Variants in MAD1L1 observed in about 807,000 individuals in gnomAD.
MAD1L1 encodes mitotic arrest deficient 1 like 1.
A neutral mutation model predicts 96.9 loss-of-function variants in MAD1L1; 95 were observed. The observed-to-expected ratio is 0.98, with a 90% CI of 0.83 to 1.16. The LOEUF is 1.16. Ranked by LOEUF, MAD1L1 falls within the 50% of genes most tolerant of loss-of-function variation. MAD1L1 has a pLI of 0.00. For synonymous variants in MAD1L1, 473 were observed against 396.6 expected (o/e 1.19, Z -2.29); for missense variants, 1,007 against 954.4 (o/e 1.06, Z -0.73).
intron 18 of MAD1L1, chr7:1,845,524 ACG>A (rs1231992746): frequency 5.9e-5 from 4 of 67,624 alleles, no homozygotes; most frequent in Non-Finnish European, 9.4e-5. Flanking sequence ...TAGGAGATGG[ACG>A]TGCTCCACGC....
chr7:2,090,270 C>T (rs955443575), intron 11 of MAD1L1, among the ~76,000 whole-genome samples: 11 of 152,216 alleles, frequency 7.2e-5, no homozygotes, highest in Non-Finnish European at 1.5e-4. Flanking sequence ...CGGGGAGGGG[C>T]CAGGTCCACT....
chr7:1,916,248 G>A (rs1192835055), intron 17 of MAD1L1, among the ~76,000 whole-genome samples: 1 of 152,146 alleles, frequency 6.6e-6, no homozygotes, highest in Non-Finnish European at 1.5e-5. Context: ...CTAGAATGTG[G>A]AAATTCCCCT....
chr7:2,095,554 G>A (rs753212750), intron 11 of MAD1L1, among the ~76,000 whole-genome samples: 6 of 152,208 alleles, frequency 3.9e-5, no homozygotes, highest in South Asian at 2.1e-4. Flanking sequence ...GAAGGGCAGC[G>A]TAACCAGAGG....
rs1780245596 is a variant in MAD1L1, at chr7:1,968,080, T to C, written c.1506-10361A>G. Among the ~76,000 whole-genome samples, 1 of 152,214 alleles carries C rather than the reference T, an allele frequency of 6.6e-6. No homozygotes were observed. The highest frequency in any genetic ancestry group is 2.4e-5 in the African/African-American group (1 of 41,454). On this transcript the variant is annotated intron_variant, in intron 15 of 18. Transcript: ENST00000265854. This position sits in a 1 kb window ranked among gnomAD's most constrained non-coding sequence, Gnocchi z 5.6. ...CTCACAGAACTCCACATCATACATG[T>C]AGAACTCATCCCTCCAGAGGGGGAG...
chr7:2,150,615 C>G (rs1448562932), intron 10 of MAD1L1, among the ~76,000 whole-genome samples: 1 of 152,238 alleles, frequency 6.6e-6, no homozygotes, highest in African/African-American at 2.4e-5. Context: ...CAGAGGACAG[C>G]TGGAGGCCGC....
intron 11 of MAD1L1, among the ~76,000 whole-genome samples, chr7:2,141,279 G>A (rs999621355): frequency 2.6e-5 from 4 of 152,384 alleles, no homozygotes; most frequent in East Asian, 3.9e-4. Context: ...CAGACACCGC[G>A]TGCTGCGGGG....
At chr7:2,072,608 C>T (rs1477846257) in intron 11 of MAD1L1, among the ~76,000 whole-genome samples, 1 of 152,238 alleles carries the variant, frequency 6.6e-6, no homozygotes, top group Non-Finnish European at 1.5e-5. Context: ...TGGGAACGTT[C>T]ACAAGTGCTT....
intron 18 of MAD1L1, among the ~76,000 whole-genome samples, chr7:1,887,360 T>A (rs1786116795): frequency 6.7e-6 from 1 of 149,824 alleles, no homozygotes; most frequent in Non-Finnish European, 1.5e-5. Context: ...AGCATGCATG[T>A]GTGTGGGTGG....
intron 16 of MAD1L1, among the ~76,000 whole-genome samples, chr7:1,950,598 A>G (rs1400323063): frequency 6.6e-6 from 1 of 152,202 alleles, no homozygotes; most frequent in African/African-American, 2.4e-5. Flanking sequence ...CCTGGCTCTG[A>G]GCGCCAGTCG....
chr7:2,089,727 G>A (rs967930050), intron 11 of MAD1L1, among the ~76,000 whole-genome samples: 19 of 141,610 alleles, frequency 1.3e-4, no homozygotes, highest in South Asian at 4.8e-4. Flanking sequence ...ACCTGTCCCC[G>A]GGGCCCACCC....
At position 1,863,703 on chromosome 7, in the gene MAD1L1, T is replaced by G. The variant is rs1397890038; in HGVS notation, c.1998+34497A>C. On this transcript the variant is annotated intron_variant, in intron 18 of 18. Transcript: ENST00000265854. ...TTGCCCCTCCGCTCCCTGGAGCTCC[T>G]GGGTGGAGGGTGGCCGGCCTGCAGT... Among the ~76,000 whole-genome samples the G allele has an allele frequency of 2.6e-5, 4 of 152,190 alleles. No homozygotes were observed. The South Asian group carries it at 8.3e-4, about 31-fold the overall frequency.
chr7:2,086,087 G>A (rs1266488844), intron 11 of MAD1L1, among the ~76,000 whole-genome samples: 1 of 152,176 alleles, frequency 6.6e-6, no homozygotes, highest in East Asian at 1.9e-4. Flanking sequence ...GGGGAGGACG[G>A]CAAGACCCGT....
rs983868849 is a variant in MAD1L1, at chr7:2,146,439, C to G, written c.1073+2713G>C. On this transcript the variant is annotated intron_variant, in intron 11 of 18. Coordinates refer to ENST00000265854, the MANE Select transcript of MAD1L1 (RefSeq NM_001013836.2). The surrounding 1 kb of genome is among the most constrained non-coding windows in gnomAD (Gnocchi z 6.2). ...AGGAACAGGGCAGTGGAGCCGCACC[C>G]TGAGAAGCTCCTCAGATGGCGAGAA... Among the ~76,000 whole-genome samples the G allele has an allele frequency of 6.6e-6, 1 of 152,192 alleles. No individual in the cohort carries two copies. The highest frequency in any genetic ancestry group is 1.9e-4 in the East Asian group (1 of 5,200).
chr7:1,872,954 G>C (rs1438220489), intron 18 of MAD1L1, among the ~76,000 whole-genome samples: 1 of 152,230 alleles, frequency 6.6e-6, no homozygotes, highest in Non-Finnish European at 1.5e-5. Context: ...CTGTCACGGA[G>C]AGAGAGATGG....
chr7:2,159,381 G>A (rs74900522), intron 10 of MAD1L1, among the ~76,000 whole-genome samples: 568 of 152,264 alleles, frequency 3.7e-3, no homozygotes, highest in African/African-American at 0.013. Context: ...AGATGCCTGC[G>A]TGGCCTGCCC....
intron 18 of MAD1L1, among the ~76,000 whole-genome samples, chr7:1,840,975 G>A (rs888883583): frequency 5.3e-5 from 8 of 152,204 alleles, no homozygotes; most frequent in South Asian, 2.1e-4. Context: ...GTCCCCGTGC[G>A]TTTGCAGCCT....
chr7:2,003,916 G>T (rs1311284981), intron 13 of MAD1L1, among the ~76,000 whole-genome samples: 3 of 152,186 alleles, frequency 2.0e-5, no homozygotes, highest in Non-Finnish European at 4.4e-5. Context: ...CACTGCTGGG[G>T]TCACCAGCAG....
At chr7:1,950,510 G>A (rs551879782) in intron 16 of MAD1L1, among the ~76,000 whole-genome samples, 3 of 152,356 alleles carry the variant, frequency 2.0e-5, no homozygotes, top group Admixed American at 6.5e-5. Context: ...TGCGGAGGGC[G>A]ACTTGTAAAC....
intron 11 of MAD1L1, among the ~76,000 whole-genome samples, chr7:2,132,876 G>C (rs1247620260): frequency 1.3e-5 from 2 of 152,240 alleles, no homozygotes; most frequent in African/African-American, 4.8e-5. Context: ...CAGGACCTGA[G>C]AGGAGGGGTT....
Sources: allele counts gnomAD v4.1 joint callset (sites outside exome capture counted in the v4.1 genomes callset), GRCh38; gene constraint gnomAD v4.1.1; non-coding constraint Gnocchi (gnomAD v3.1); transcripts MANE v1.5; gene names NCBI Gene and HGNC (gene_info 2026-07-23, HGNC 2026-07-21).